SLC35D4: variants seen among roughly 807,000 people sequenced by gnomAD.
SLC35D4 encodes the protein UDP-N-acetylglucosamine transporter SLC35D4.
the SLC35D4 span, among the ~76,000 whole-genome samples, chr18:23,349,266 A>ATTATT: frequency 3.3e-5 from 5 of 152,150 alleles, no homozygotes; most frequent in African/African-American, 1.2e-4. Flanking sequence ...TTCTTATTAC[A>ATTATT]CATATGTTTG....
the SLC35D4 span, among the ~76,000 whole-genome samples, chr18:23,339,801 C>T: frequency 2.0e-5 from 3 of 152,158 alleles, no homozygotes; most frequent in Admixed American, 1.3e-4. Context: ...AGCAAGGCAG[C>T]TCTCTGGGAC....
chr18:23,247,616 G>A, the SLC35D4 span, among the ~76,000 whole-genome samples: 18 of 152,330 alleles, frequency 1.2e-4, no homozygotes, highest in South Asian at 1.2e-3. Context: ...AGGAGCAAAC[G>A]GAGGCACAGA....
the SLC35D4 span, among the ~76,000 whole-genome samples, chr18:23,397,761 A>C: frequency 6.6e-6 from 1 of 152,178 alleles, no homozygotes; most frequent in African/African-American, 2.4e-5. Flanking sequence ...GGGAGTTAGA[A>C]GAGCTGCCAT....
the SLC35D4 span, among the ~76,000 whole-genome samples, chr18:23,388,992 T>G: frequency 6.7e-6 from 1 of 148,830 alleles, no homozygotes. Flanking sequence ...TAGTTCTTTT[T>G]TTTTTTTTTT....
chr18:23,414,996 C>T, the SLC35D4 span, among the ~76,000 whole-genome samples: 1 of 152,130 alleles, frequency 6.6e-6, no homozygotes, highest in African/African-American at 2.4e-5. Context: ...CCTATAGTTT[C>T]AGCTACTCAG....
chr18:23,326,033 CA>C, the SLC35D4 span, among the ~76,000 whole-genome samples: 1 of 152,226 alleles, frequency 6.6e-6, no homozygotes, highest in Non-Finnish European at 1.5e-5. Flanking sequence ...TTCATCTCTA[CA>C]GCAAAATGTG....
the SLC35D4 span, among the ~76,000 whole-genome samples, chr18:23,423,230 CTT>C: frequency 2.0e-5 from 3 of 152,240 alleles, no homozygotes; most frequent in African/African-American, 7.2e-5. Context: ...CTTCCCATCT[CTT>C]TGTCTGTAGT....
chr18:23,243,851 G>A, the SLC35D4 span, among the ~76,000 whole-genome samples: 1 of 135,446 alleles, frequency 7.4e-6, no homozygotes, highest in African/African-American at 2.8e-5. Context: ...CGGCCTGGGC[G>A]ATAAGACCAA....
At chr18:23,366,503 C>T in the SLC35D4 span, among the ~76,000 whole-genome samples, 2 of 152,212 alleles carry the variant, frequency 1.3e-5, no homozygotes, top group Non-Finnish European at 2.9e-5. Context: ...GGCTGCATAT[C>T]AGAATAGCCC....
the SLC35D4 span, among the ~76,000 whole-genome samples, chr18:23,318,118 A>T: frequency 6.6e-6 from 1 of 152,156 alleles, no homozygotes; most frequent in Non-Finnish European, 1.5e-5. Context: ...CTTTCTTTTT[A>T]ATTCTAGCCA....
the SLC35D4 span, among the ~76,000 whole-genome samples, chr18:23,304,524 A>G: frequency 4.9e-3 from 735 of 149,312 alleles, 7 homozygotes; most frequent in African/African-American, 0.017. Flanking sequence ...TATATATAAC[A>G]TATATATAAA....
At chr18:23,264,578 G>A in the SLC35D4 span, among the ~76,000 whole-genome samples, 2,127 of 152,184 alleles carry the variant, frequency 0.014, 18 homozygotes, top group African/African-American at 0.024. Flanking sequence ...GGTCAGGCTG[G>A]TCTCGAACTC....
At chr18:23,294,554 A>G in the SLC35D4 span, among the ~76,000 whole-genome samples, 48 of 152,290 alleles carry the variant, frequency 3.2e-4, no homozygotes, top group Admixed American at 2.3e-3. Context: ...TGAGATTTTA[A>G]GAACAACAGG....
chr18:23,423,792 A>C, the SLC35D4 span, among the ~76,000 whole-genome samples: 1 of 152,210 alleles, frequency 6.6e-6, no homozygotes, highest in Non-Finnish European at 1.5e-5. Flanking sequence ...GAAGGGACAA[A>C]GGCCCAGAAG....
At chr18:23,270,017 G>A in the SLC35D4 span, among the ~76,000 whole-genome samples, 1 of 152,350 alleles carries the variant, frequency 6.6e-6, no homozygotes, top group Non-Finnish European at 1.5e-5. Context: ...GGAGGCAAAT[G>A]TTAATCACCA....
At chr18:23,402,062 G>T in the SLC35D4 span, among the ~76,000 whole-genome samples, 11 of 152,172 alleles carry the variant, frequency 7.2e-5, no homozygotes, top group African/African-American at 2.7e-4. Flanking sequence ...AGGGGCAACA[G>T]GGCCAAAGCA....
At chr18:23,356,958 T>C in the SLC35D4 span, among the ~76,000 whole-genome samples, 1 of 152,234 alleles carries the variant, frequency 6.6e-6, no homozygotes, top group African/African-American at 2.4e-5. This position sits in a 1 kb window ranked among gnomAD's most constrained non-coding sequence, Gnocchi z 4.1. Context: ...TGTGAGGTTC[T>C]ATTGTGCCCA....
the SLC35D4 span, among the ~76,000 whole-genome samples, chr18:23,295,402 T>C: frequency 6.6e-6 from 1 of 151,468 alleles, no homozygotes; most frequent in East Asian, 1.9e-4. Flanking sequence ...CTCTTCAAAG[T>C]GAGAAGGTAT....
At chr18:23,373,819 C>A in the SLC35D4 span, 1 of 1,589,380 alleles carries the variant, frequency 6.3e-7, no homozygotes, top group Non-Finnish European at 8.6e-7. Context: ...AAAGGTTTCC[C>A]TAAGAGCGTG....
Sources: allele counts gnomAD v4.1 joint callset (sites outside exome capture counted in the v4.1 genomes callset), GRCh38; gene constraint gnomAD v4.1.1; non-coding constraint Gnocchi (gnomAD v3.1); transcripts MANE v1.5; gene names NCBI Gene and HGNC (gene_info 2026-07-23, HGNC 2026-07-21).